Variants in ZNF804B observed in about 807,000 individuals in gnomAD.
ZNF804B encodes zinc finger 804B.
Under a neutral mutation model 101.4 loss-of-function variants are expected in ZNF804B, and 80 were observed. That is an observed-to-expected ratio of 0.79 (90% CI 0.66 to 0.95). The LOEUF (loss-of-function observed/expected upper bound fraction) is 0.95, where lower values mean the gene tolerates loss of function less well. Among genes scored for constraint, ZNF804B ranks in the 40% least tolerant of loss-of-function variants. ZNF804B has a pLI of 0.00. For missense variants in ZNF804B, 1,673 were observed against 1,561.9 expected (o/e 1.07, Z -1.20); for synonymous variants, 622 against 558.8 (o/e 1.11, Z -1.59).
chr7:88,793,052 A>G (rs1425186643), intron 1 of ZNF804B, among the ~76,000 whole-genome samples: 1 of 152,172 alleles, frequency 6.6e-6, no homozygotes, highest in Non-Finnish European at 1.5e-5. Flanking sequence ...AAATGAAAAA[A>G]AAATAATAAA....
intron 2 of ZNF804B, among the ~76,000 whole-genome samples, chr7:89,272,488 G>A (rs1168788352): frequency 6.6e-6 from 1 of 151,970 alleles, no homozygotes; most frequent in Non-Finnish European, 1.5e-5. Flanking sequence ...AAAATACTAT[G>A]GGAAAATCAT....
At chr7:89,260,656 AG>A (rs1789699921) in intron 2 of ZNF804B, among the ~76,000 whole-genome samples, 1 of 152,182 alleles carries the variant, frequency 6.6e-6, no homozygotes, top group African/African-American at 2.4e-5. Context: ...GCCACATAAA[AG>A]CTATGTTTTC....
At chr7:89,032,150 T>C (rs908002031) in intron 1 of ZNF804B, among the ~76,000 whole-genome samples, 2 of 152,126 alleles carry the variant, frequency 1.3e-5, no homozygotes, top group African/African-American at 4.8e-5. Flanking sequence ...GTTAATCTTT[T>C]GCAACATTTT....
chr7:89,216,546 C>T (rs1460532649), intron 1 of ZNF804B, among the ~76,000 whole-genome samples: 2 of 152,132 alleles, frequency 1.3e-5, no homozygotes, highest in African/African-American at 4.8e-5. Context: ...TTATATCCTC[C>T]ATTATTCTAG....
At chr7:88,870,532 C>T (rs1357539252) in intron 1 of ZNF804B, among the ~76,000 whole-genome samples, 2 of 151,916 alleles carry the variant, frequency 1.3e-5, no homozygotes, top group Admixed American at 1.3e-4. Context: ...CCATGGCTTC[C>T]CTCTCAATCT....
intron 1 of ZNF804B, among the ~76,000 whole-genome samples, chr7:88,842,537 A>G (rs1171616367): frequency 6.6e-6 from 1 of 152,232 alleles, no homozygotes; most frequent in African/African-American, 2.4e-5. Context: ...AGCTGCACAA[A>G]TGGCAGCACT....
In ZNF804B at chr7:89,334,110, T is replaced by C. The variant is rs1791032599; in HGVS notation, c.1128T>C (p.Ser376=). ...SFSPPNIYNH[S]DARISECLDE... ...GCCCACCAAACATTTACAACCATAG[T>C]GATGCCAGGATATCTGAATGCCTGG... Residue 376 remains serine, a synonymous_variant, in exon 4 of 4, where the codon AGT becomes AGC. Transcript: ENST00000333190. 3 of 1,613,580 alleles carry C rather than the reference T, an allele frequency of 1.9e-6. No homozygotes were observed. Among genetic ancestry groups the C allele is most frequent in the Non-Finnish European group, 2.5e-6 (3 of 1,179,836 alleles).
chr7:89,192,729 T>G (rs183382742), intron 1 of ZNF804B, among the ~76,000 whole-genome samples: 1 of 152,134 alleles, frequency 6.6e-6, no homozygotes, highest in Non-Finnish European at 1.5e-5. Context: ...GTGTCCATGA[T>G]GAATATCAAT....
chr7:89,149,981 C>A (rs1007059243), intron 1 of ZNF804B, among the ~76,000 whole-genome samples: 1 of 151,978 alleles, frequency 6.6e-6, no homozygotes, highest in African/African-American at 2.4e-5. Flanking sequence ...CAGTAGTCTA[C>A]CCCCACTATC....
chr7:89,257,889 C>CT (rs976713828), intron 2 of ZNF804B, among the ~76,000 whole-genome samples: 29 of 151,732 alleles, frequency 1.9e-4, no homozygotes, highest in Admixed American at 3.9e-4. Flanking sequence ...TGTAATCACT[C>CT]TTTTTTTTCC....
intron 1 of ZNF804B, among the ~76,000 whole-genome samples, chr7:88,998,673 A>G (rs1441468161): frequency 6.6e-6 from 1 of 152,058 alleles, no homozygotes; most frequent in Non-Finnish European, 1.5e-5. Context: ...ATGAATTTTG[A>G]GAAAACCTGG....
chr7:88,764,611 C>G (rs945503228), intron 1 of ZNF804B, among the ~76,000 whole-genome samples: 2 of 152,092 alleles, frequency 1.3e-5, no homozygotes, highest in Non-Finnish European at 2.9e-5. Flanking sequence ...AGATGAACTA[C>G]CTTGAAGATA....
At chr7:89,120,068 C>G (rs534364057) in intron 1 of ZNF804B, among the ~76,000 whole-genome samples, 9 of 152,034 alleles carry the variant, frequency 5.9e-5, no homozygotes, top group African/African-American at 1.9e-4. Flanking sequence ...AGAAAATCAG[C>G]CATCATAAAA....
intron 2 of ZNF804B, among the ~76,000 whole-genome samples, chr7:89,281,841 G>C (rs939644136): frequency 6.6e-6 from 1 of 151,438 alleles, no homozygotes; most frequent in South Asian, 2.1e-4. Context: ...GAATTGTAAA[G>C]TAAAGGATAA....
intron 1 of ZNF804B, among the ~76,000 whole-genome samples, chr7:88,983,017 A>C (rs1317022003): frequency 2.6e-5 from 4 of 152,082 alleles, no homozygotes; most frequent in Non-Finnish European, 5.9e-5. Flanking sequence ...TGGGACTAGC[A>C]GTTCTCATTC....
intron 1 of ZNF804B, among the ~76,000 whole-genome samples, chr7:89,196,253 C>G (rs1788550428): frequency 6.6e-6 from 1 of 151,902 alleles, no homozygotes; most frequent in Non-Finnish European, 1.5e-5. Context: ...TAAGGCCACA[C>G]ACTTAAAACC....
intron 1 of ZNF804B, among the ~76,000 whole-genome samples, chr7:88,847,158 T>C (rs1321273775): frequency 6.6e-6 from 1 of 151,896 alleles, no homozygotes; most frequent in Admixed American, 6.6e-5. Context: ...TTTTAGAAAA[T>C]ATAAGAAAAA....
At chr7:89,269,379 C>A (rs1461133432) in intron 2 of ZNF804B, among the ~76,000 whole-genome samples, 16 of 152,174 alleles carry the variant, frequency 1.1e-4, no homozygotes, top group African/African-American at 3.1e-4. Context: ...CATGTCCCTA[C>A]AAAGGACATG....
At position 89,017,059 on chromosome 7, in the gene ZNF804B, G is replaced by T. The variant is rs187867786; in HGVS notation, c.109-201096G>T. On this transcript the variant is annotated intron_variant, in intron 1 of 3. Transcript: ENST00000333190. ...CTTGAAGAGGTCCTTCACATCCCTT[G>T]TAAGTTAGATTCCTAGGTATTTTAT... 4.6e-4 allele frequency among the ~76,000 whole-genome samples: 70 copies of T among 152,268 alleles called. No homozygotes were observed. The East Asian group carries it at 0.012, about 26-fold the overall frequency.
Sources: gnomAD v4.1 joint callset for allele counts (sites outside exome capture counted in the v4.1 genomes callset) on GRCh38, gnomAD v4.1.1 for gene constraint, MANE v1.5 for transcripts, NCBI Gene and HGNC (gene_info 2026-07-23, HGNC 2026-07-21) for gene names.